Variants in ADARB2 observed in about 807,000 individuals in gnomAD.
ADARB2 encodes adenosine deaminase RNA specific B2 (inactive), also known as inactive double-stranded RNA-specific editase B2.
A neutral mutation model predicts 62.2 loss-of-function variants in ADARB2; 25 were observed. The ratio of observed to expected loss-of-function variants is 0.40; its 90% CI spans 0.29 to 0.56. The LOEUF is 0.56. Among genes scored for constraint, ADARB2 ranks in the 20% least tolerant of loss-of-function variants. The probability of loss-of-function intolerance (pLI) is 0.43; values close to 1 mark genes in which losing one functional copy is unlikely to be tolerated. For missense variants in ADARB2, 1,071 were observed against 1,077.4 expected, an observed-to-expected ratio of 0.99 and a Z score of 0.08; for synonymous variants, 572 against 500.8, an observed-to-expected ratio of 1.14 and a Z score of -1.90.
At chr10:1,306,004 A>C (rs1198845044) in intron 3 of ADARB2, among the ~76,000 whole-genome samples, 1 of 152,216 alleles carries the variant, frequency 6.6e-6, no homozygotes, top group East Asian at 1.9e-4. Context: ...AGACAGTGAG[A>C]GGGATGCCCT....
intron 7 of ADARB2, among the ~76,000 whole-genome samples, chr10:1,201,221 G>C (rs537940392): frequency 6.6e-6 from 1 of 152,340 alleles, no homozygotes; most frequent in African/African-American, 2.4e-5. Context: ...GCAGCCATCT[G>C]GCTGGTGGGG....
intron 3 of ADARB2, among the ~76,000 whole-genome samples, chr10:1,323,491 G>A (rs1271551383): frequency 6.6e-6 from 1 of 152,114 alleles, no homozygotes; most frequent in Non-Finnish European, 1.5e-5. Context: ...GTATATAAAT[G>A]TTTAAGTCCT....
intron 8 of ADARB2, among the ~76,000 whole-genome samples, chr10:1,188,713 A>G (rs1305396780): frequency 6.6e-6 from 1 of 150,850 alleles, no homozygotes; most frequent in African/African-American, 2.4e-5. Context: ...TGTGACTAAT[A>G]TCTGCAGCTG....
intron 1 of ADARB2, among the ~76,000 whole-genome samples, chr10:1,442,504 C>A (rs1269757228): frequency 6.6e-6 from 1 of 152,200 alleles, no homozygotes; most frequent in African/African-American, 2.4e-5. Flanking sequence ...CATCCACACA[C>A]AAAATAGAAA....
chr10:1,187,832 G>C (rs1202076123), intron 8 of ADARB2: 1 of 436,230 alleles, frequency 2.3e-6, no homozygotes, highest in East Asian at 7.1e-5. Context: ...AGCCTTGCAT[G>C]GGGGCTTCTT....
At chr10:1,243,856 G>A (rs1475614555) in intron 4 of ADARB2, among the ~76,000 whole-genome samples, 4 of 152,160 alleles carry the variant, frequency 2.6e-5, no homozygotes, top group Non-Finnish European at 4.4e-5. Context: ...TTCTGTGCCC[G>A]AAGAGAACTC....
At chr10:1,564,542 A>G (rs1479021317) in intron 1 of ADARB2, among the ~76,000 whole-genome samples, 1 of 152,124 alleles carries the variant, frequency 6.6e-6, no homozygotes, top group African/African-American at 2.4e-5. Flanking sequence ...AGAATCTACA[A>G]TGAACTCAAA....
At position 1,327,337 on chromosome 10, in the gene ADARB2, T is replaced by G. The variant is rs1184751606; in HGVS notation, c.1077+35691A>C. Among the ~76,000 whole-genome samples the G allele has an allele frequency of 1.2e-3, 35 of 30,216 alleles. 1 individual carries two copies. The highest frequency in any genetic ancestry group is 3.6e-3 in the South Asian group (2 of 550). The allele number at this position is 30,216 out of a possible 152,430, so 19.8% of individuals were successfully genotyped here. A position where few individuals can be genotyped will look rare whatever the true frequency, so the allele number is the denominator to read the frequency against. On this transcript the variant is annotated intron_variant, in intron 3 of 9. Coordinates refer to ENST00000381312, the MANE Select transcript of ADARB2 (RefSeq NM_018702.4). Reference sequence around the variant, plus strand: ...CACCTCCTCACTGCACAGCGCCTCCTCACTGCACAGCGCCTCCTCACGGCC... The same window carrying G: ...CACCTCCTCACTGCACAGCGCCTCCGCACTGCACAGCGCCTCCTCACGGCC...
At chr10:1,265,920 G>A (rs1831193463) in intron 4 of ADARB2, among the ~76,000 whole-genome samples, 1 of 120,068 alleles carries the variant, frequency 8.3e-6, no homozygotes, top group Middle Eastern at 5.3e-3. Flanking sequence ...GCCTGAGCCA[G>A]GTCCACGCTC....
At chr10:1,199,135 C>T (rs1836949183) in intron 8 of ADARB2, among the ~76,000 whole-genome samples, 1 of 152,204 alleles carries the variant, frequency 6.6e-6, no homozygotes, top group Non-Finnish European at 1.5e-5. Context: ...GAGAGCTCTC[C>T]CACTCCAGCA....
intron 1 of ADARB2, among the ~76,000 whole-genome samples, chr10:1,483,280 A>G (rs928167172): frequency 6.6e-6 from 1 of 152,222 alleles, no homozygotes; most frequent in Non-Finnish European, 1.5e-5. Flanking sequence ...TTTCTGTTTC[A>G]AACAAAGTAG....
At chr10:1,271,914 GC>G (rs541754435) in intron 3 of ADARB2, among the ~76,000 whole-genome samples, 107 of 152,356 alleles carry the variant, frequency 7.0e-4, no homozygotes, top group African/African-American at 2.5e-3. Flanking sequence ...CCACTCAGGA[GC>G]CTGGGTGAGT....
intron 1 of ADARB2, among the ~76,000 whole-genome samples, chr10:1,563,064 A>G (rs1832808123): frequency 1.3e-5 from 2 of 151,962 alleles, no homozygotes; most frequent in African/African-American, 4.8e-5. Flanking sequence ...TGTCCTCCGC[A>G]CGTGACCTCC....
intron 1 of ADARB2, among the ~76,000 whole-genome samples, chr10:1,569,548 T>C (rs767792644): frequency 1.2e-4 from 19 of 152,234 alleles, no homozygotes; most frequent in Non-Finnish European, 2.2e-4. Flanking sequence ...TTTTTCAGCT[T>C]CTGATTTTAT....
At chr10:1,558,081 C>T (rs1175162927) in intron 1 of ADARB2, among the ~76,000 whole-genome samples, 1 of 152,150 alleles carries the variant, frequency 6.6e-6, no homozygotes, top group Admixed American at 6.5e-5. Context: ...CCATGCTTTT[C>T]ATGGAGCAAA....
At chr10:1,533,253 G>A (rs1832273524) in intron 1 of ADARB2, among the ~76,000 whole-genome samples, 1 of 151,760 alleles carries the variant, frequency 6.6e-6, no homozygotes, top group Non-Finnish European at 1.5e-5. Context: ...CGAGTAGCTG[G>A]GACTACAGGC....
intron 6 of ADARB2, among the ~76,000 whole-genome samples, chr10:1,226,792 C>T (rs779449504): frequency 1.2e-4 from 18 of 152,126 alleles, no homozygotes; most frequent in African/African-American, 3.6e-4. Flanking sequence ...GAGGAGTACC[C>T]GGCTGTGTGA....
intron 3 of ADARB2, among the ~76,000 whole-genome samples, chr10:1,338,874 T>G (rs756204486): frequency 2.0e-5 from 3 of 152,192 alleles, no homozygotes; most frequent in Non-Finnish European, 4.4e-5. Flanking sequence ...GCAGGGTGGC[T>G]GTGAGCTCAC....
chr10:1,419,826 T>G (rs1242536432), intron 1 of ADARB2, among the ~76,000 whole-genome samples: 2 of 152,220 alleles, frequency 1.3e-5, no homozygotes, highest in Non-Finnish European at 2.9e-5. Flanking sequence ...ATTCGTTAGC[T>G]CTCACATCTC....
Sources: gnomAD v4.1 joint callset for allele counts (sites outside exome capture counted in the v4.1 genomes callset) on GRCh38, gnomAD v4.1.1 for gene constraint, MANE v1.5 for transcripts, NCBI Gene and HGNC (gene_info 2026-07-23, HGNC 2026-07-21) for gene names.